PHF21B: variants seen among roughly 807,000 people sequenced by gnomAD.
The protein encoded by PHF21B is PHD finger protein 21B, also known as PHD finger protein 4.
PHF21B carries 22 observed loss-of-function variants against 62.2 expected under a neutral mutation model. The observed-to-expected ratio is 0.35, with a 90% CI of 0.25 to 0.51. PHF21B has a LOEUF of 0.51. Among genes scored for constraint, PHF21B ranks in the 20% least tolerant of loss-of-function variants. The pLI is 0.97. For synonymous variants in PHF21B, 341 were observed against 314.7 expected (o/e 1.08, Z -0.88); for missense variants, 701 against 707.9 (o/e 0.99, Z 0.11).
chr22:44,896,100 A>G lies in PHF21B; in HGVS notation c.832-17T>C. On this transcript the variant is annotated splice_polypyrimidine_tract_variant and intron_variant, in intron 5 of 12. Coordinates refer to ENST00000313237, the MANE Select transcript of PHF21B (RefSeq NM_138415.5). ...GGCGATTTTCTGAGGGAAGGAACAG[A>G]CAAAGGAGCATTAACACAACCGTCA... is the stretch of plus-strand genomic sequence containing the variant. 6.2e-7 allele frequency: 1 copy of G among 1,613,460 alleles called. No homozygotes were observed. The highest frequency in any genetic ancestry group is 8.5e-7 in the Non-Finnish European group (1 of 1,179,918).
chr22:44,953,605 G>A (rs558893311), intron 2 of PHF21B, among the ~76,000 whole-genome samples: 1 of 152,184 alleles, frequency 6.6e-6, no homozygotes, highest in Non-Finnish European at 1.5e-5. Context: ...GACTGGAGAG[G>A]GAGCTTCCTG....
At chr22:44,947,107 G>A (rs893333589) in intron 2 of PHF21B, among the ~76,000 whole-genome samples, 1 of 152,258 alleles carries the variant, frequency 6.6e-6, no homozygotes, top group East Asian at 1.9e-4. Context: ...CCAAGATCAC[G>A]CACTGCGTGG....
intron 5 of PHF21B, among the ~76,000 whole-genome samples, chr22:44,902,663 C>G (rs1360502568): frequency 6.6e-6 from 1 of 152,130 alleles, no homozygotes; most frequent in Non-Finnish European, 1.5e-5. Flanking sequence ...GCCATCTCTT[C>G]CATAAATCTG....
At chr22:44,981,279 T>C (rs186683085) in intron 2 of PHF21B, among the ~76,000 whole-genome samples, 434 of 152,178 alleles carry the variant, frequency 2.9e-3, no homozygotes, top group African/African-American at 9.8e-3. Flanking sequence ...TTCAACACTT[T>C]CCCTGTGTCA....
rs1017635403 is a variant in PHF21B at position 45,009,097 on chromosome 22, T to C, written c.54+399A>G. On this transcript the variant is annotated intron_variant, in intron 1 of 12. Coordinates refer to ENST00000313237, the MANE Select transcript of PHF21B (RefSeq NM_138415.5). This position sits in a 1 kb window ranked among gnomAD's most constrained non-coding sequence, Gnocchi z 5.9. The stretch of plus-strand genomic sequence containing the variant: ...GCTCGCCAGCAGCGATCGCCAAAAC[T>C]ACTTCTGCACACCGGGCAGGTTCGC... 2.5e-5 allele frequency: 25 copies of C among 982,480 alleles called. No individual in the cohort carries two copies. The highest frequency in any genetic ancestry group is 4.6e-5 in the South Asian group (1 of 21,576). The allele number at this position is 982,480 out of a possible 1,614,324, so 60.9% of individuals were successfully genotyped here.
Position 45,007,735 on chromosome 22 carries a change from G to A in PHF21B, c.120+810C>T, listed in dbSNP as rs968259593. Among the ~76,000 whole-genome samples, 7 of 123,126 alleles carry A rather than the reference G, an allele frequency of 5.7e-5. 1 individual carries two copies. The allele number at this position is 123,126 out of a possible 152,430, so 80.8% of individuals were successfully genotyped here. On this transcript the variant is annotated intron_variant, in intron 2 of 12. Coordinates refer to ENST00000313237, the MANE Select transcript of PHF21B (RefSeq NM_138415.5). ...GGGAAGGGGCGGGTGTGCGAGTGCG[G>A]GGAGGGGGCGCGGCGGGGGAGGGGC... is the stretch of plus-strand genomic sequence containing the variant.
intron 2 of PHF21B, among the ~76,000 whole-genome samples, chr22:44,961,453 C>A (rs1409595626): frequency 2.6e-5 from 4 of 152,104 alleles, no homozygotes; most frequent in Non-Finnish European, 4.4e-5. Context: ...TCCACTGTTG[C>A]CGTCTTTATG....
chr22:44,983,978 C>T (rs1339863858), intron 2 of PHF21B, among the ~76,000 whole-genome samples: 2 of 151,544 alleles, frequency 1.3e-5, no homozygotes, highest in Admixed American at 6.6e-5. Context: ...ATGCCGATGT[C>T]CTCAATCTTT....
intron 2 of PHF21B, among the ~76,000 whole-genome samples, chr22:44,924,993 GAC>G (rs558291516): frequency 8.7e-4 from 132 of 152,172 alleles, no homozygotes; most frequent in African/African-American, 3.1e-3. Flanking sequence ...ACAAACTACT[GAC>G]ACACACAATA....
At chr22:44,898,291 G>T (rs1471684495) in intron 5 of PHF21B, among the ~76,000 whole-genome samples, 1 of 151,810 alleles carries the variant, frequency 6.6e-6, no homozygotes, top group African/African-American at 2.4e-5. Context: ...CTCGTAAGTG[G>T]GCTGGGGTGG....
Position 44,997,883 on chromosome 22 carries a change from G to A in PHF21B, c.120+10662C>T, listed in dbSNP as rs73429719. On this transcript the variant is annotated intron_variant, in intron 2 of 12. Coordinates refer to ENST00000313237, the MANE Select transcript of PHF21B (RefSeq NM_138415.5). ...CCCCTCTGCTGCCGCTTCGCATAAC[G>A]GAGGCCCGCCCTTCCAAATTGCCAT... Among the ~76,000 whole-genome samples, 865 of 152,262 alleles carry A rather than the reference G, an allele frequency of 5.7e-3. 7 individuals carry two copies. Among genetic ancestry groups the A allele is most frequent in the African/African-American group, 0.02 (836 of 41,536 alleles).
intron 2 of PHF21B, among the ~76,000 whole-genome samples, chr22:44,927,083 G>A (rs1388708545): frequency 6.6e-6 from 1 of 152,240 alleles, no homozygotes; most frequent in Non-Finnish European, 1.5e-5. Context: ...GACAGGGAAA[G>A]GAGGGGAGAC....
At chr22:44,926,197 A>G (rs977146290) in intron 2 of PHF21B, among the ~76,000 whole-genome samples, 2 of 143,284 alleles carry the variant, frequency 1.4e-5, no homozygotes, top group Non-Finnish European at 3.1e-5. Flanking sequence ...AGGGAAGCAC[A>G]TTCAGTGGCA....
At chr22:44,933,273 G>A (rs2071778619) in intron 2 of PHF21B, among the ~76,000 whole-genome samples, 1 of 152,152 alleles carries the variant, frequency 6.6e-6, no homozygotes, top group Admixed American at 6.5e-5. Context: ...CACCACGCCT[G>A]GCTAATTTTG....
rs1284496914 is a variant in PHF21B at position 44,920,402 on chromosome 22, G to A, written c.209C>T (p.Pro70Leu). The A allele has an allele frequency of 1.8e-5, 29 of 1,609,886 alleles. No individual in the cohort carries two copies. The East Asian group carries it at 6.0e-4, about 33-fold the overall frequency. ...RLAGQGAAVL[P>L]QVRPKTLIPD... is the part of the protein sequence containing the mutation. ...GCCCGCCCGAGGGCTGCTTACCTGA[G>A]GTAGCACTGCCGCTCCTTGCCCGGC... Residue 70 changes from proline to leucine, a missense_variant, in exon 3 of 13, where the codon CCT (proline) becomes CTT (leucine). Transcript: ENST00000313237.
At chr22:45,006,560 C>T (rs886893431) in intron 2 of PHF21B, among the ~76,000 whole-genome samples, 4 of 152,136 alleles carry the variant, frequency 2.6e-5, no homozygotes, top group African/African-American at 9.7e-5. Context: ...TAATAAATAG[C>T]GACTCATTTA....
In PHF21B at chr22:45,008,626, G is replaced by A. The variant is rs1460468267; in HGVS notation, c.55-16C>T. ...GGTCGCCGTTCTGCGGAAACACGGA[G>A]GAGCGGGCTCAGGCAGGCCACCCGG... On this transcript the variant is annotated splice_polypyrimidine_tract_variant and intron_variant, in intron 1 of 12. Transcript: ENST00000313237. 3 of 1,577,568 alleles carry A rather than the reference G, an allele frequency of 1.9e-6. No homozygotes were observed. Among genetic ancestry groups the A allele is most frequent in the South Asian group, 1.2e-5 (1 of 85,932 alleles).
intron 2 of PHF21B, among the ~76,000 whole-genome samples, chr22:44,946,969 G>A (rs2072086321): frequency 6.6e-6 from 1 of 152,236 alleles, no homozygotes; most frequent in Non-Finnish European, 1.5e-5. Context: ...CCAAGCAGAT[G>A]CTCCGTTTAA....
intron 2 of PHF21B, among the ~76,000 whole-genome samples, chr22:44,973,033 G>T (rs1249664719): frequency 6.6e-6 from 1 of 152,178 alleles, no homozygotes; most frequent in East Asian, 1.9e-4. Flanking sequence ...TCCCACTCCG[G>T]GCTCTGATGA....
Sources: gnomAD v4.1 joint callset for allele counts (sites outside exome capture counted in the v4.1 genomes callset) on GRCh38, gnomAD v4.1.1 for gene constraint, Gnocchi (gnomAD v3.1) non-coding constraint, MANE v1.5 for transcripts, NCBI Gene and HGNC (gene_info 2026-07-23, HGNC 2026-07-21) for gene names.